Variants in LARP4B observed in about 807,000 individuals in gnomAD.
LARP4B encodes the protein la-related protein 4B.
In LARP4B, 12 loss-of-function variants were observed where a neutral mutation model predicts 89.8. The observed-to-expected ratio is 0.13, with a 90% CI of 0.09 to 0.22. The LOEUF (loss-of-function observed/expected upper bound fraction) is 0.22. Ranked by LOEUF, LARP4B falls within the 10% of genes least tolerant of loss-of-function variation. The pLI is 1.00. For synonymous variants in LARP4B, 367 were observed against 363.3 expected (o/e 1.01, Z -0.12); for missense variants, 757 against 947.7 (o/e 0.80, Z 2.64).
chr10:983,106 A>T, the LARP4B span, among the ~76,000 whole-genome samples: 1 of 152,236 alleles, frequency 6.6e-6, no homozygotes, highest in South Asian at 2.1e-4. Context: ...GTATTTTGAC[A>T]TTATTCGTTG....
Position 871,471 on chromosome 10 carries a change from T to G in LARP4B, c.142-7201A>C, listed in dbSNP as rs541343145. ...CAGCCTCATCTGCTTGACACCAAGA[T>G]TTTGACTCAAAAGCCCTTACACCAT... On this transcript the variant is annotated intron_variant, in intron 3 of 17. Coordinates refer to ENST00000316157, the MANE Select transcript of LARP4B (RefSeq NM_015155.3). Among the ~76,000 whole-genome samples, 3 of 152,194 alleles carry G rather than the reference T, an allele frequency of 2.0e-5. No individual in the cohort carries two copies. The South Asian group carries it at 6.2e-4, about 32-fold the overall frequency.
the LARP4B span, among the ~76,000 whole-genome samples, chr10:937,756 T>G: frequency 3.9e-4 from 60 of 152,302 alleles, no homozygotes; most frequent in African/African-American, 1.4e-3. Context: ...CTTCAGGAAG[T>G]TTTCCAAATT....
At chr10:902,006 C>G (rs957723339) in intron 1 of LARP4B, among the ~76,000 whole-genome samples, 16 of 152,198 alleles carry the variant, frequency 1.1e-4, no homozygotes, top group Non-Finnish European at 4.4e-5. Flanking sequence ...AACGTGTCTA[C>G]TAAGTCGACA....
chr10:883,729 G>T (rs1244935363), intron 3 of LARP4B, among the ~76,000 whole-genome samples: 1 of 150,480 alleles, frequency 6.6e-6, no homozygotes, highest in Admixed American at 6.6e-5. Context: ...GAGTTCAGAA[G>T]CTCGAGACTA....
chr10:825,974 CAG>C, intron 11 of LARP4B, 104 bp from the exon 12 acceptor site: 1 of 767,136 alleles, frequency 1.3e-6, no homozygotes, highest in Non-Finnish European at 2.2e-6. Flanking sequence ...TTGATGTTGT[CAG>C]AGTCATGACC....
At chr10:932,463 GCCCCGGCCCTGCCCAGAACTCCCACCCC>G (rs1830674895), upstream of LARP4B, among the ~76,000 whole-genome samples, 1 of 108,828 alleles carries the variant, frequency 9.2e-6, no homozygotes, top group Non-Finnish European at 1.9e-5. Context: ...CGGGACCAAG[GCCCCGGCCCTGCCCAGAACTCCCACCCC>G]ACACCCGGGA....
intron 1 of LARP4B, among the ~76,000 whole-genome samples, chr10:886,480 A>G (rs1041559954): frequency 2.6e-5 from 4 of 152,200 alleles, no homozygotes; most frequent in Admixed American, 6.5e-5. Context: ...TCACCACCTC[A>G]TAAGAATATC....
At position 814,694 on chromosome 10, in the gene LARP4B, C is replaced by A; in HGVS notation, c.1929+48G>T. The A allele has an allele frequency of 6.4e-7, 1 of 1,558,258 alleles. No individual in the cohort carries two copies. The highest frequency in any genetic ancestry group is 8.7e-7 in the Non-Finnish European group (1 of 1,150,532). The stretch of plus-strand genomic sequence containing the variant: ...CAGGAGTGCGCAGCGTCTGTTCACA[C>A]CAGAGCCTCGCGGCTGTCGTGCAGG... On this transcript the variant is annotated intron_variant, in intron 17 of 17. Coordinates refer to ENST00000316157, the MANE Select transcript of LARP4B (RefSeq NM_015155.3). This position sits in a 1 kb window ranked among gnomAD's most constrained non-coding sequence, Gnocchi z 4.4.
intron 1 of LARP4B, among the ~76,000 whole-genome samples, chr10:894,787 G>A (rs1023708144): frequency 3.9e-5 from 6 of 152,162 alleles, no homozygotes; most frequent in Non-Finnish European, 1.5e-5. Context: ...GGGAAGAGAA[G>A]AAACAAAAAT....
At chr10:968,406 A>G in the LARP4B span, among the ~76,000 whole-genome samples, 696 of 152,322 alleles carry the variant, frequency 4.6e-3, 7 homozygotes, top group African/African-American at 0.016. Flanking sequence ...ACCCTTTATT[A>G]GCATATTTTT....
chr10:975,582 G>C, the LARP4B span, among the ~76,000 whole-genome samples: 1 of 152,254 alleles, frequency 6.6e-6, no homozygotes, highest in Non-Finnish European at 1.5e-5. Flanking sequence ...ACTGCGTGGC[G>C]AATCGTCTGA....
chr10:948,514 C>T, the LARP4B span, among the ~76,000 whole-genome samples: 1,677 of 152,258 alleles, frequency 0.011, 29 homozygotes, highest in African/African-American at 0.037. Flanking sequence ...TCCCAAGTGC[C>T]GGGATTACAG....
downstream of LARP4B, chr10:809,079 T>C (rs1831647477): frequency 6.6e-6 from 1 of 152,148 alleles, no homozygotes; most frequent in Non-Finnish European, 1.5e-5. Flanking sequence ...AACATGTTAA[T>C]CAGTCCCCCA....
intron 3 of LARP4B, among the ~76,000 whole-genome samples, chr10:877,931 A>G (rs1835520674): frequency 6.6e-6 from 1 of 152,218 alleles, no homozygotes. Context: ...CTACACGTAA[A>G]GGGTCTGAGG....
chr10:930,630 G>C (rs909303706), intron 1 of LARP4B, among the ~76,000 whole-genome samples: 2 of 152,240 alleles, frequency 1.3e-5, no homozygotes, highest in Non-Finnish European at 2.9e-5. Context: ...GGCAGGTGCA[G>C]CAGCTTTCCG....
intron 14 of LARP4B, chr10:820,464 C>A (rs1832294057): frequency 4.1e-6 from 1 of 246,440 alleles, no homozygotes; most frequent in African/African-American, 2.2e-5. Context: ...TCATTTCAGA[C>A]TCTCCGGTAC....
At chr10:870,976 A>T (rs1031063859) in intron 3 of LARP4B, among the ~76,000 whole-genome samples, 17 of 152,232 alleles carry the variant, frequency 1.1e-4, no homozygotes, top group Admixed American at 3.3e-4. Flanking sequence ...TTTCAAAATC[A>T]GCGTTCTCTG....
At chr10:968,518 C>T in the LARP4B span, among the ~76,000 whole-genome samples, 4 of 152,118 alleles carry the variant, frequency 2.6e-5, no homozygotes, top group Non-Finnish European at 5.9e-5. Flanking sequence ...TGACTATCGC[C>T]GCAGAAAGAA....
chr10:940,088 G>A, the LARP4B span, among the ~76,000 whole-genome samples: 6,097 of 150,106 alleles, frequency 0.041, 135 homozygotes, highest in Admixed American at 0.077. Context: ...TGCGATCTCG[G>A]CTCACCGCAA....
Sources: allele counts gnomAD v4.1 joint callset (sites outside exome capture counted in the v4.1 genomes callset), GRCh38; gene constraint gnomAD v4.1.1; non-coding constraint Gnocchi (gnomAD v3.1); transcripts MANE v1.5; gene names NCBI Gene and HGNC (gene_info 2026-07-23, HGNC 2026-07-21).